The following SMARCB1 variants were observed in gnomAD, a reference collection of about 807,000 sequenced individuals.
The protein encoded by SMARCB1 is SWI/SNF-related matrix-associated actin-dependent regulator of chromatin subfamily B member 1.
A neutral mutation model predicts 49.0 loss-of-function variants in SMARCB1; 5 were observed. That is an observed-to-expected ratio of 0.10 (90% confidence interval 0.05 to 0.21). The LOEUF is 0.21. SMARCB1 is among the 10% of genes least tolerant of loss of function. The pLI, the probability that SMARCB1 is intolerant of heterozygous loss-of-function variation, is 1.00. For missense variants in SMARCB1, 226 were observed against 509.2 expected (o/e 0.44, Z 5.35); for synonymous variants, 201 against 200.1 (o/e 1.00, Z -0.04).
chr22:23,800,849 A>C lies in SMARCB1; in HGVS notation c.363-95A>C, dbSNP rs893286867. The C allele has an allele frequency of 1.1e-5, 11 of 958,552 alleles. 1 individual carries two copies. The highest frequency in any genetic ancestry group is 1.3e-5 in the South Asian group (1 of 77,714). 59.4% of individuals were successfully genotyped at this position (958,552 alleles called of 1,614,324 possible). Reference sequence around the variant, plus strand: ...CCCATGGGAGCCTCGAGCCTGACAGAGGTACAGTGGGCATCCCTGGAGCAT... The same window carrying C: ...CCCATGGGAGCCTCGAGCCTGACAGCGGTACAGTGGGCATCCCTGGAGCAT... On this transcript the variant is annotated intron_variant, in intron 3 of 8. Coordinates refer to ENST00000644036, the MANE Select transcript of SMARCB1 (RefSeq NM_003073.5).
At chr22:23,800,795 C>A (rs1929093241) in intron 3 of SMARCB1, 149 bp from the exon 4 acceptor site, 1 of 758,334 alleles carries the variant, frequency 1.3e-6, no homozygotes, top group Non-Finnish European at 2.4e-6. Flanking sequence ...GGGGAGCAGG[C>A]TCCTGCAAAG....
intron 5 of SMARCB1, 47 bp downstream of exon 5, chr22:23,803,469 G>C (rs769514506): frequency 6.2e-7 from 1 of 1,609,566 alleles, no homozygotes; most frequent in Non-Finnish European, 8.5e-7. Flanking sequence ...ACCCCTGTGT[G>C]TTACGTGGGA....
chr22:23,791,727 T>C (rs765340179), intron 1 of SMARCB1, 29 bp from the exon 2 acceptor site: 1 of 1,612,144 alleles, frequency 6.2e-7, no homozygotes, highest in South Asian at 1.1e-5. Context: ...CTGCGACCCT[T>C]ATAATGAGCC....
In SMARCB1 at chr22:23,837,647, C is replaced by T. The variant is rs769019980; in HGVS notation, c.*3467C>T. On this transcript the variant is annotated 3_prime_UTR_variant, in exon 9 of 9. Transcript: ENST00000644036. ...CCAGCCTGGGGCGGACTAGATGTAC[C>T]GGGAGGCTCACCCAGCAGGTCCACG... is the stretch of plus-strand genomic sequence containing the variant. 7.5e-6 allele frequency: 12 copies of T among 1,609,434 alleles called. No homozygotes were observed. The highest frequency in any genetic ancestry group is 6.7e-5 in the African/African-American group (5 of 74,844).
chr22:23,811,237 T>C (rs759844914), intron 5 of SMARCB1, among the ~76,000 whole-genome samples: 1 of 152,190 alleles, frequency 6.6e-6, no homozygotes. Context: ...CTGGAAAATA[T>C]GTGAAACAGT....
intron 3 of SMARCB1, among the ~76,000 whole-genome samples, chr22:23,798,866 G>T (rs550707453): frequency 3.9e-5 from 6 of 151,968 alleles, no homozygotes; most frequent in East Asian, 3.9e-4. Context: ...CTGGCTAACA[G>T]GGTGAAACCC....
At position 23,837,648 on chromosome 22, in the gene SMARCB1, G is replaced by C. The variant is rs1271600206; in HGVS notation, c.*3468G>C. On this transcript the variant is annotated 3_prime_UTR_variant, in exon 9 of 9. Transcript: ENST00000644036. ...CAGCCTGGGGCGGACTAGATGTACC[G>C]GGAGGCTCACCCAGCAGGTCCACGA... 3 of 1,610,144 alleles carry C rather than the reference G, an allele frequency of 1.9e-6. No homozygotes were observed. Among genetic ancestry groups the C allele is most frequent in the African/African-American group, 1.3e-5 (1 of 74,982 alleles).
chr22:23,819,836 T>C (rs1031551618), intron 6 of SMARCB1, among the ~76,000 whole-genome samples: 2 of 151,900 alleles, frequency 1.3e-5, no homozygotes, highest in Non-Finnish European at 2.9e-5. Context: ...TTCTTTTCTT[T>C]TCTTTTTCTA....
intron 3 of SMARCB1, among the ~76,000 whole-genome samples, chr22:23,797,872 G>A (rs933269761): frequency 6.6e-6 from 1 of 152,072 alleles, no homozygotes; most frequent in East Asian, 1.9e-4. Context: ...GTCCGCCTCG[G>A]CCTCCCAAAG....
chr22:23,836,675 C>A lies in SMARCB1; in HGVS notation c.*2495C>A. ...GAGGCCACACTGAGTGAGGACGGGG[C>A]AGGCATAGAAGGATGTGGCCAGGTG... On this transcript the variant is annotated 3_prime_UTR_variant, in exon 9 of 9. Transcript: ENST00000644036. 3.1e-6 allele frequency: 4 copies of A among 1,284,366 alleles called. No homozygotes were observed. The highest frequency in any genetic ancestry group is 3.9e-6 in the Non-Finnish European group (4 of 1,022,088). 79.6% of individuals were successfully genotyped at this position (1,284,366 alleles called of 1,614,324 possible).
Position 23,800,984 on chromosome 22 carries a change from C to G in SMARCB1, c.403C>G (p.Leu135Val). The stretch of plus-strand genomic sequence containing the variant: ...GAGGAACAGCCAGTGGGTACCCACC[C>G]TGCCCAACAGCTCCCACCACTTAGA... ...AKRNSQWVPTLPNSSHHLDAV... is the reference protein window; with the variant it reads ...AKRNSQWVPTVPNSSHHLDAV... The change falls in exon 4 of 9, where the codon CTG (leucine) becomes GTG (valine). Residue 135 changes from leucine (L) to valine (V), a missense_variant. Coordinates refer to ENST00000644036, the MANE Select transcript of SMARCB1 (RefSeq NM_003073.5). The G allele has an allele frequency of 6.2e-7, 1 of 1,614,154 alleles. No individual in the cohort carries two copies. Among genetic ancestry groups the G allele is most frequent in the Non-Finnish European group, 8.5e-7 (1 of 1,180,018 alleles).
At position 23,836,878 on chromosome 22, in the gene SMARCB1, C is replaced by T. The variant is rs993370589; in HGVS notation, c.*2698C>T. ...TGGCCCTGGGTGGGGGTCACTGCTG[C>T]GGGGGTGGCAGATGGGGTCCTGGCT... On this transcript the variant is annotated 3_prime_UTR_variant, in exon 9 of 9. Transcript: ENST00000644036. 1.4e-5 allele frequency: 20 copies of T among 1,470,622 alleles called. No homozygotes were observed. The highest frequency in any genetic ancestry group is 5.0e-5 in the East Asian group (2 of 39,924). 91.1% of individuals were successfully genotyped at this position (1,470,622 alleles called of 1,614,324 possible). A position where few individuals can be genotyped will look rare whatever the true frequency, so the allele number is the denominator to read the frequency against.
In SMARCB1 at chr22:23,834,549, A is replaced by AT. The variant is rs1218467567; in HGVS notation, c.*370dup. ...TGTTCAATTTCTTCAAAGTTTTAAC[A>AT]TAAAAATAATGAGAGCCAGGAGTGG... On this transcript the variant is annotated 3_prime_UTR_variant, in exon 9 of 9. Coordinates refer to ENST00000644036, the MANE Select transcript of SMARCB1 (RefSeq NM_003073.5). 7 of 664,550 alleles carry AT rather than the reference A, an allele frequency of 1.1e-5. No homozygotes were observed. Among genetic ancestry groups the AT allele is most frequent in the Middle Eastern group, 4.9e-4 (2 of 4,072 alleles). The allele number at this position is 664,550 out of a possible 1,614,324, so 41.2% of individuals were successfully genotyped here.
intron 2 of SMARCB1, 160 bp from the exon 3 acceptor site, chr22:23,793,399 T>C (rs1351744914): frequency 1.1e-5 from 9 of 787,254 alleles, no homozygotes; most frequent in Non-Finnish European, 2.0e-5. Context: ...TCAGTCCAGA[T>C]TGCCCTTTTG....
intron 1 of SMARCB1, among the ~76,000 whole-genome samples, chr22:23,790,437 T>TAGC (rs1457767607): frequency 1.3e-5 from 2 of 152,248 alleles, no homozygotes; most frequent in East Asian, 3.8e-4. Flanking sequence ...GTCTCACACC[T>TAGC]ATAATCCTAG....
intron 1 of SMARCB1, 120 bp downstream of exon 1, chr22:23,787,382 C>T (rs1434761941): frequency 1.0e-5 from 5 of 489,488 alleles, no homozygotes; most frequent in South Asian, 9.0e-5. Flanking sequence ...CGCGCGCGCG[C>T]TCGGGGCTGT....
At chr22:23,793,344 A>G in intron 2 of SMARCB1, 1 of 650,464 alleles carries the variant, frequency 1.5e-6, no homozygotes, top group Non-Finnish European at 2.8e-6. Context: ...AGTCCAAATC[A>G]GTCCCATTGG....
intron 7 of SMARCB1, among the ~76,000 whole-genome samples, chr22:23,830,760 CAA>C (rs1203795992): frequency 6.9e-6 from 1 of 144,396 alleles, no homozygotes; most frequent in East Asian, 2.2e-4. Flanking sequence ...CTCCTGAGTT[CAA>C]GTGATTCTCC....
chr22:23,821,647 C>T (rs545805257), intron 6 of SMARCB1, among the ~76,000 whole-genome samples: 9 of 152,062 alleles, frequency 5.9e-5, no homozygotes, highest in Non-Finnish European at 8.8e-5. Flanking sequence ...CTCAGGAGTT[C>T]GAGACAAGCC....
Sources: allele counts gnomAD v4.1 joint callset (sites outside exome capture counted in the v4.1 genomes callset), GRCh38; gene constraint gnomAD v4.1.1; transcripts MANE v1.5; gene names NCBI Gene and HGNC (gene_info 2026-07-23, HGNC 2026-07-21).